Variants in CSMD1 observed in about 807,000 individuals in gnomAD.
CSMD1 encodes CUB and sushi domain-containing protein 1.
In CSMD1, 213 loss-of-function variants were observed where a neutral mutation model predicts 417.5. That is an observed-to-expected ratio of 0.51 (90% CI 0.46 to 0.57). The LOEUF (loss-of-function observed/expected upper bound fraction) is 0.57. Ranked by LOEUF, CSMD1 falls within the 20% of genes least tolerant of loss-of-function variation. The probability of loss-of-function intolerance (pLI) is 0.00; values close to 1 mark genes in which losing one functional copy is unlikely to be tolerated. For missense variants in CSMD1, 6,923 were observed against 4,529.7 expected (o/e 1.53, Z -15.17); for synonymous variants, 2,862 against 1,736.8 (o/e 1.65, Z -16.11).
chr8:3,879,984 T>A (rs1460708592), intron 5 of CSMD1, among the ~76,000 whole-genome samples: 1 of 152,162 alleles, frequency 6.6e-6, no homozygotes, highest in Non-Finnish European at 1.5e-5. Context: ...TAAGATGGAC[T>A]GGTAATTTTG....
Position 3,223,899 on chromosome 8 carries a change from T to G in CSMD1, c.4346-32A>C, listed in dbSNP as rs753302329. ...CAGAACAAAAGTTACAGAGAAAAAG[T>G]AAGGACAGCGAAGAACGCCTGCCAG... On this transcript the variant is annotated intron_variant, in intron 27 of 69. Transcript: ENST00000635120. The G allele has an allele frequency of 1.9e-6, 3 of 1,610,542 alleles. No homozygotes were observed. In the Admixed American group the frequency reaches 5.0e-5, roughly 27 times the overall value.
At chr8:3,672,837 AC>A (rs1324820250) in intron 7 of CSMD1, among the ~76,000 whole-genome samples, 1 of 152,206 alleles carries the variant, frequency 6.6e-6, no homozygotes, top group East Asian at 1.9e-4. Context: ...TGGGCAATAG[AC>A]TTGGAGACGC....
intron 5 of CSMD1, among the ~76,000 whole-genome samples, chr8:3,941,676 G>T (rs559178195): frequency 6.6e-6 from 1 of 152,140 alleles, no homozygotes; most frequent in African/African-American, 2.4e-5. Flanking sequence ...CGCAGAGTTT[G>T]ACTAGAATGT....
intron 3 of CSMD1, among the ~76,000 whole-genome samples, chr8:4,394,756 C>G (rs761580160): frequency 5.9e-5 from 9 of 152,184 alleles, no homozygotes; most frequent in Non-Finnish European, 1.3e-4. Context: ...TGATCTTAAT[C>G]AGATCCATCT....
intron 3 of CSMD1, among the ~76,000 whole-genome samples, chr8:4,178,614 T>C (rs1258895770): frequency 1.3e-5 from 2 of 151,856 alleles, no homozygotes; most frequent in African/African-American, 4.8e-5. Flanking sequence ...TAAAGGGTAT[T>C]CAATTAGGAA....
In CSMD1 at chr8:4,330,177, T is replaced by A. The variant is rs780760417; in HGVS notation, c.415+89776A>T. Among the ~76,000 whole-genome samples, 48 of 133,542 alleles carry A rather than the reference T, an allele frequency of 3.6e-4. 1 individual carries two copies. Among genetic ancestry groups the A allele is most frequent in the Admixed American group, 2.3e-3 (29 of 12,662 alleles). The allele number at this position is 133,542 out of a possible 152,430, so 87.6% of individuals were successfully genotyped here. A position where few individuals can be genotyped will look rare whatever the true frequency, so the allele number is the denominator to read the frequency against. ...AACAAATATACAACAGGAACAGAGG[T>A]TCCTGTTATGAAATCCACAATTTCT... On this transcript the variant is annotated intron_variant, in intron 3 of 69. Transcript: ENST00000635120.
Position 3,772,354 on chromosome 8 carries a change from T to A in CSMD1, c.819-18312A>T, listed in dbSNP as rs192949938. ...ATTTAGACATACATATATACATATA[T>A]TTATATATACATATATACATATATT... On this transcript the variant is annotated intron_variant, in intron 5 of 69. Coordinates refer to ENST00000635120, the MANE Select transcript of CSMD1 (RefSeq NM_033225.6). Among the ~76,000 whole-genome samples, 124 of 139,454 alleles carry A rather than the reference T, an allele frequency of 8.9e-4. 14 individuals carry two copies. The highest frequency in any genetic ancestry group is 3.8e-3 in the Middle Eastern group (1 of 264). The allele number at this position is 139,454 out of a possible 152,430, so 91.5% of individuals were successfully genotyped here.
At chr8:3,667,998 G>C (rs576749753) in intron 7 of CSMD1, among the ~76,000 whole-genome samples, 1 of 152,136 alleles carries the variant, frequency 6.6e-6, no homozygotes, top group Admixed American at 6.5e-5. Flanking sequence ...CAATATGAGT[G>C]TCTGTGCGCC....
chr8:3,416,113 A>G (rs1254404777), intron 12 of CSMD1, among the ~76,000 whole-genome samples: 4 of 152,002 alleles, frequency 2.6e-5, no homozygotes, highest in Non-Finnish European at 4.4e-5. Flanking sequence ...CATCCTGGAT[A>G]ACATGGTGAA....
At chr8:3,407,876 G>A (rs1423762135) in intron 14 of CSMD1, 23 bp downstream of exon 14, 3 of 1,570,180 alleles carry the variant, frequency 1.9e-6, no homozygotes, top group East Asian at 2.3e-5. Context: ...ACTTGGATGT[G>A]TTGACTGTGT....
chr8:4,846,119 G>A (rs1373670036), intron 1 of CSMD1, among the ~76,000 whole-genome samples: 3 of 152,120 alleles, frequency 2.0e-5, no homozygotes, highest in African/African-American at 7.2e-5. Context: ...CGTGGCCATT[G>A]AGTACCTCAT....
At chr8:4,134,199 C>G (rs1401816363) in intron 3 of CSMD1, among the ~76,000 whole-genome samples, 2 of 152,134 alleles carry the variant, frequency 1.3e-5, no homozygotes, top group Non-Finnish European at 2.9e-5. Flanking sequence ...GAAGGAAAGT[C>G]ACTGTCCTTA....
chr8:4,598,776 A>T (rs1020859283), intron 2 of CSMD1, among the ~76,000 whole-genome samples: 6 of 152,208 alleles, frequency 3.9e-5, no homozygotes, highest in African/African-American at 1.4e-4. Flanking sequence ...TAGGTGGAAA[A>T]TTTTTTTCAA....
chr8:4,285,399 T>C (rs972629254), intron 3 of CSMD1, among the ~76,000 whole-genome samples: 1 of 152,202 alleles, frequency 6.6e-6, no homozygotes, highest in African/African-American at 2.4e-5. Flanking sequence ...TTTGTGGCCA[T>C]GAATCTTGAA....
intron 3 of CSMD1, among the ~76,000 whole-genome samples, chr8:4,035,118 A>G (rs1468519607): frequency 1.3e-5 from 2 of 152,224 alleles, no homozygotes; most frequent in Non-Finnish European, 2.9e-5. Flanking sequence ...GCCTAACAAC[A>G]GCTCAATGAT....
chr8:4,205,552 C>T (rs796207922), intron 3 of CSMD1, among the ~76,000 whole-genome samples: 34 of 152,240 alleles, frequency 2.2e-4, no homozygotes, highest in African/African-American at 4.6e-4. Context: ...TGAAAGTTGA[C>T]GGAACTCACT....
intron 5 of CSMD1, among the ~76,000 whole-genome samples, chr8:3,820,822 G>A (rs897782109): frequency 2.0e-5 from 3 of 152,128 alleles, no homozygotes; most frequent in African/African-American, 4.8e-5. Context: ...GACCTCAGGT[G>A]ATCTGCTGAC....
chr8:4,336,177 G>A (rs530709798), intron 3 of CSMD1, among the ~76,000 whole-genome samples: 102 of 152,164 alleles, frequency 6.7e-4, no homozygotes, highest in Non-Finnish European at 1.2e-3. Context: ...CCTGGTTTGC[G>A]GTCAGCGCTG....
Position 4,431,336 on chromosome 8 carries a change from C to G in CSMD1, c.303-11271G>C, listed in dbSNP as rs115057947. Among the ~76,000 whole-genome samples, 499 of 152,214 alleles carry G rather than the reference C, an allele frequency of 3.3e-3. 1 individual carries two copies. The highest frequency in any genetic ancestry group is 0.012 in the African/African-American group (484 of 41,532). On this transcript the variant is annotated intron_variant, in intron 2 of 69. Coordinates refer to ENST00000635120, the MANE Select transcript of CSMD1 (RefSeq NM_033225.6). Reference sequence around the variant, plus strand: ...CTTCGTGATTTTCTTAAGGGTGAACCTAACGTCTATAAAATTGAAACCAAT... The same window carrying G: ...CTTCGTGATTTTCTTAAGGGTGAACGTAACGTCTATAAAATTGAAACCAAT...
Sources: allele counts gnomAD v4.1 joint callset (sites outside exome capture counted in the v4.1 genomes callset), GRCh38; gene constraint gnomAD v4.1.1; transcripts MANE v1.5; gene names NCBI Gene and HGNC (gene_info 2026-07-23, HGNC 2026-07-21).